JPH3: variants seen among roughly 807,000 people sequenced by gnomAD.
JPH3 encodes junctophilin-3.
Under a neutral mutation model 59.6 loss-of-function variants are expected in JPH3, and 11 were observed. The ratio of observed to expected loss-of-function variants is 0.18; its 90% CI spans 0.12 to 0.31. The LOEUF is 0.31. Among genes scored for constraint, JPH3 ranks in the 10% least tolerant of loss-of-function variants. The pLI, the probability that JPH3 is intolerant of heterozygous loss-of-function variation, is 1.00. For missense variants in JPH3, 1,202 were observed against 1,105.7 expected, an observed-to-expected ratio of 1.09 and a Z score of -1.24; for synonymous variants, 673 against 483.6, an observed-to-expected ratio of 1.39 and a Z score of -5.14.
intron 4 of JPH3, among the ~76,000 whole-genome samples, chr16:87,691,216 C>A (rs2033564840): frequency 6.8e-6 from 1 of 148,142 alleles, no homozygotes; most frequent in Non-Finnish European, 1.5e-5. Context: ...GGTCCTGGTG[C>A]CTCACACAGG....
At chr16:87,656,688 G>C (rs55665770) in intron 2 of JPH3, among the ~76,000 whole-genome samples, 538 of 152,190 alleles carry the variant, frequency 3.5e-3, no homozygotes, top group African/African-American at 0.012. Flanking sequence ...GACAGAGGAC[G>C]AGGAGGAACG....
intron 3 of JPH3, among the ~76,000 whole-genome samples, chr16:87,685,343 C>G (rs1050668567): frequency 6.6e-6 from 1 of 152,248 alleles, no homozygotes; most frequent in Non-Finnish European, 1.5e-5. Context: ...CCCCTCCACT[C>G]TCCTGGCCCC....
intron 1 of JPH3, among the ~76,000 whole-genome samples, chr16:87,605,733 G>C (rs951903166): frequency 6.6e-6 from 1 of 152,130 alleles, no homozygotes; most frequent in Admixed American, 6.5e-5. Flanking sequence ...AGTAAGGCCC[G>C]GGCTTTGTGA....
At chr16:87,630,547 G>A (rs1215929858) in intron 1 of JPH3, among the ~76,000 whole-genome samples, 1 of 152,204 alleles carries the variant, frequency 6.6e-6, no homozygotes, top group Non-Finnish European at 1.5e-5. Context: ...AGTTTCTGTG[G>A]CTGGAAAAAT....
chr16:87,626,127 C>T (rs2031366992), intron 1 of JPH3, among the ~76,000 whole-genome samples: 1 of 152,116 alleles, frequency 6.6e-6, no homozygotes, highest in African/African-American at 2.4e-5. Context: ...TTGGGGGTGC[C>T]AAGAGCAACA....
At chr16:87,605,582 A>C (rs1346793716) in intron 1 of JPH3, among the ~76,000 whole-genome samples, 2 of 152,164 alleles carry the variant, frequency 1.3e-5, no homozygotes, top group African/African-American at 4.8e-5. Flanking sequence ...CTGACGGGTT[A>C]AGGGGAGAGA....
intron 2 of JPH3, among the ~76,000 whole-genome samples, chr16:87,675,449 A>G (rs2150869203): frequency 6.6e-6 from 1 of 152,218 alleles, no homozygotes; most frequent in Non-Finnish European, 1.5e-5. Flanking sequence ...TGGGGCCTGC[A>G]CATATCCAGC....
Position 87,690,583 on chromosome 16 carries a change from ACCT to A in JPH3, c.2166+58_2166+60del. On this transcript the variant is annotated intron_variant, in intron 4 of 4. Coordinates refer to ENST00000284262, the MANE Select transcript of JPH3 (RefSeq NM_020655.4). The stretch of plus-strand genomic sequence containing the variant: ...GGAGGCAACATCCACCTCTCTGCTG[ACCT>A]GGTGTTTCCTGAGGGTTTCCAGCAA... 4.2e-6 allele frequency: 6 copies of A among 1,412,002 alleles called. No individual in the cohort carries two copies. The South Asian group carries it at 6.7e-5, about 16-fold the overall frequency. The allele number at this position is 1,412,002 out of a possible 1,614,324, so 87.5% of individuals were successfully genotyped here.
chr16:87,605,395 C>T (rs1256643707), intron 1 of JPH3, among the ~76,000 whole-genome samples: 2 of 152,158 alleles, frequency 1.3e-5, no homozygotes, highest in Admixed American at 1.3e-4. Flanking sequence ...GGGAAAACCA[C>T]ACTGAGCAAA....
rs1044714997 is a variant in JPH3 at position 87,697,568 on chromosome 16, G to T, written c.*908G>T. On this transcript the variant is annotated 3_prime_UTR_variant, in exon 5 of 5. Transcript: ENST00000284262. ...CGTGTCCCCAGCAGTGAGGGCCCTA[G>T]AGGACGCCTTCTCCCATGGTTACTG... 3 of 152,362 alleles carry T rather than the reference G, an allele frequency of 2.0e-5. No individual in the cohort carries two copies. Among genetic ancestry groups the T allele is most frequent in the Non-Finnish European group, 2.9e-5 (2 of 68,172 alleles). 9.4% of individuals were successfully genotyped at this position (152,362 alleles called of 1,614,324 possible).
intron 2 of JPH3, among the ~76,000 whole-genome samples, chr16:87,665,601 C>A (rs1032071241): frequency 1.3e-5 from 2 of 152,178 alleles, no homozygotes; most frequent in Non-Finnish European, 2.9e-5. Context: ...AGCCCCATGC[C>A]CCACATAGCT....
chr16:87,686,164 G>T (rs1026096754), intron 3 of JPH3, among the ~76,000 whole-genome samples: 2 of 152,214 alleles, frequency 1.3e-5, no homozygotes, highest in African/African-American at 4.8e-5. Flanking sequence ...CCTTTTGGGT[G>T]TTTCTACCCC....
intron 2 of JPH3, among the ~76,000 whole-genome samples, chr16:87,679,999 C>T (rs1305250495): frequency 6.6e-6 from 1 of 152,196 alleles, no homozygotes; most frequent in East Asian, 1.9e-4. Context: ...GACCCCGCCT[C>T]TAAGCCTGGG....
chr16:87,671,166 C>T (rs1597279796), intron 2 of JPH3, among the ~76,000 whole-genome samples: 1 of 152,170 alleles, frequency 6.6e-6, no homozygotes, highest in Non-Finnish European at 1.5e-5. Context: ...GGGGTATGTG[C>T]GGGGTCTTTG....
intron 2 of JPH3, among the ~76,000 whole-genome samples, chr16:87,676,637 G>A (rs1046831735): frequency 4.0e-5 from 6 of 151,548 alleles, no homozygotes; most frequent in Middle Eastern, 3.4e-3. Context: ...GGGTGCCTGA[G>A]GCAGCAGAAT....
chr16:87,682,349 T>TG (rs754157308), intron 2 of JPH3, among the ~76,000 whole-genome samples: 1 of 152,034 alleles, frequency 6.6e-6, no homozygotes, highest in African/African-American at 2.4e-5. Flanking sequence ...ATGGCAGAGA[T>TG]GGGGGGTCAG....
Position 87,679,154 on chromosome 16 carries a change from C to A in JPH3, c.1161-4988C>A, listed in dbSNP as rs1243546803. ...GGCTCAGCTGAGAGCTCCTCGACCT[C>A]CTGCCTGTCCCTGCCACCCTTAGGA... On this transcript the variant is annotated intron_variant, in intron 2 of 4. Coordinates refer to ENST00000284262, the MANE Select transcript of JPH3 (RefSeq NM_020655.4). Among the ~76,000 whole-genome samples, 3 of 152,234 alleles carry A rather than the reference C, an allele frequency of 2.0e-5. No individual in the cohort carries two copies. In the East Asian group the frequency reaches 5.8e-4, roughly 29 times the overall value.
At chr16:87,669,359 A>G (rs1179191517) in intron 2 of JPH3, among the ~76,000 whole-genome samples, 7 of 152,058 alleles carry the variant, frequency 4.6e-5, no homozygotes, top group African/African-American at 1.7e-4. Flanking sequence ...GGGGTGAGAA[A>G]AGGAAGGAGA....
chr16:87,681,399 C>T (rs554612222), intron 2 of JPH3, among the ~76,000 whole-genome samples: 6 of 137,932 alleles, frequency 4.3e-5, no homozygotes, highest in Admixed American at 2.9e-4. Context: ...CAGGTGCGCG[C>T]GGTCGTGACA....
Sources: gnomAD v4.1 joint callset for allele counts (sites outside exome capture counted in the v4.1 genomes callset) on GRCh38, gnomAD v4.1.1 for gene constraint, MANE v1.5 for transcripts, NCBI Gene and HGNC (gene_info 2026-07-23, HGNC 2026-07-21) for gene names.